Variants in HDAC9 observed in about 807,000 individuals in gnomAD.
HDAC9 encodes the protein MEF-2 interacting transcription repressor (MITR) protein.
A neutral mutation model predicts 139.4 loss-of-function variants in HDAC9; 41 were observed. The ratio of observed to expected loss-of-function variants is 0.29; its 90% CI spans 0.23 to 0.38. The LOEUF is 0.38. Among genes scored for constraint, HDAC9 ranks in the 10% least tolerant of loss-of-function variants. The pLI, the probability that HDAC9 is intolerant of heterozygous loss-of-function variation, is 1.00. For missense variants in HDAC9, 1,147 were observed against 1,297.0 expected, an observed-to-expected ratio of 0.88 and a Z score of 1.78; for synonymous variants, 517 against 476.2, an observed-to-expected ratio of 1.09 and a Z score of -1.12.
At chr7:18,767,906 G>A (rs1414589761) in intron 16 of HDAC9, among the ~76,000 whole-genome samples, 3 of 152,144 alleles carry the variant, frequency 2.0e-5, no homozygotes, top group Non-Finnish European at 4.4e-5. Flanking sequence ...AAATTGACTC[G>A]ATCTTGAAGG....
At chr7:18,872,775 A>G (rs187902818) in intron 21 of HDAC9, among the ~76,000 whole-genome samples, 13 of 152,226 alleles carry the variant, frequency 8.5e-5, no homozygotes, top group Non-Finnish European at 2.9e-5. Flanking sequence ...TATGGAGAAG[A>G]TAGTATGTGA....
chr7:18,818,492 G>T (rs1014623515), intron 17 of HDAC9, among the ~76,000 whole-genome samples: 1 of 152,066 alleles, frequency 6.6e-6, no homozygotes, highest in Non-Finnish European at 1.5e-5. Flanking sequence ...CTCATCTCTT[G>T]TCAGTTTATA....
intron 1 of HDAC9, among the ~76,000 whole-genome samples, chr7:18,485,361 T>C (rs1398862832): frequency 6.6e-6 from 1 of 151,970 alleles, no homozygotes; most frequent in Non-Finnish European, 1.5e-5. Context: ...CATTGAATCA[T>C]TGAATATGAA....
intron 1 of HDAC9, among the ~76,000 whole-genome samples, chr7:18,390,944 C>T (rs1305375589): frequency 3.9e-5 from 6 of 152,062 alleles, no homozygotes; most frequent in Admixed American, 3.3e-4. Context: ...CAAAAATTAG[C>T]CAGGCATGGT....
At chr7:18,937,891 T>C (rs1563071602) in intron 23 of HDAC9, among the ~76,000 whole-genome samples, 1 of 152,338 alleles carries the variant, frequency 6.6e-6, no homozygotes, top group African/African-American at 2.4e-5. Context: ...ATACTCATAA[T>C]CTTTTGCTCT....
intron 21 of HDAC9, among the ~76,000 whole-genome samples, chr7:18,864,038 G>A (rs921196757): frequency 3.9e-5 from 6 of 152,128 alleles, no homozygotes; most frequent in Non-Finnish European, 5.9e-5. Context: ...TGTTTTTTAA[G>A]GAAGCTTGCA....
At chr7:18,279,016 T>G (rs2128218790) in intron 2 of HDAC9, among the ~76,000 whole-genome samples, 1 of 152,320 alleles carries the variant, frequency 6.6e-6, no homozygotes, top group African/African-American at 2.4e-5. Flanking sequence ...ATATGTCATT[T>G]TGGAAATAAA....
chr7:18,550,486 A>G (rs982816002), intron 2 of HDAC9, among the ~76,000 whole-genome samples: 3 of 152,204 alleles, frequency 2.0e-5, no homozygotes, highest in Admixed American at 2.0e-4. Flanking sequence ...AGCTTACATT[A>G]CAAGAGGAGG....
At chr7:18,565,410 G>A (rs1039905262) in intron 2 of HDAC9, among the ~76,000 whole-genome samples, 1 of 152,106 alleles carries the variant, frequency 6.6e-6, no homozygotes, top group Non-Finnish European at 1.5e-5. Context: ...TTTTTCCTCA[G>A]CATCTTAATA....
chr7:18,916,188 G>A (rs1803194639), intron 22 of HDAC9, among the ~76,000 whole-genome samples: 1 of 152,002 alleles, frequency 6.6e-6, no homozygotes, highest in Admixed American at 6.6e-5. Flanking sequence ...GTACTAGCGT[G>A]AATATGAAAT....
chr7:18,284,981 AG>A (rs1288683695), intron 2 of HDAC9, among the ~76,000 whole-genome samples: 1 of 152,182 alleles, frequency 6.6e-6, no homozygotes, highest in African/African-American at 2.4e-5. Context: ...TTTCACCTAA[AG>A]CTTCTGAATT....
chr7:18,794,266 C>T (rs1323855354), intron 17 of HDAC9, among the ~76,000 whole-genome samples: 1 of 152,102 alleles, frequency 6.6e-6, no homozygotes, highest in Non-Finnish European at 1.5e-5. Flanking sequence ...AATTGCGGGG[C>T]TTAGGGAAAT....
intron 2 of HDAC9, among the ~76,000 whole-genome samples, chr7:18,563,591 G>A (rs905192755): frequency 6.6e-6 from 1 of 151,874 alleles, no homozygotes; most frequent in African/African-American, 2.4e-5. Context: ...CACAATATTC[G>A]TTATAGAGAA....
chr7:18,833,287 TA>T (rs1426412661), intron 19 of HDAC9, among the ~76,000 whole-genome samples: 5 of 152,216 alleles, frequency 3.3e-5, no homozygotes, highest in Admixed American at 6.5e-5. Flanking sequence ...CAAGAACAAA[TA>T]ATTTTATATC....
chr7:18,194,125 G>A (rs1424037480), intron 2 of HDAC9, among the ~76,000 whole-genome samples: 2 of 152,086 alleles, frequency 1.3e-5, no homozygotes, highest in Non-Finnish European at 2.9e-5. Context: ...TTATTAGTGG[G>A]TCTAGAAAAA....
chr7:18,487,740 A>G (rs912950056), intron 1 of HDAC9, among the ~76,000 whole-genome samples: 1 of 152,024 alleles, frequency 6.6e-6, no homozygotes, highest in Admixed American at 6.6e-5. Flanking sequence ...CATTAACCAA[A>G]AGTTGTTGCT....
At chr7:18,635,585 C>T (rs1783634969) in intron 8 of HDAC9, among the ~76,000 whole-genome samples, 1 of 152,042 alleles carries the variant, frequency 6.6e-6, no homozygotes, top group Non-Finnish European at 1.5e-5. Flanking sequence ...ATGAAATCAC[C>T]TGTTTTGAAG....
At position 18,732,692 on chromosome 7, in the gene HDAC9, C is replaced by T. The variant is rs1361173760; in HGVS notation, c.1909+4935C>T. ...GTATATGTGTGCGTATGTGTACACA[C>T]ACACACGTGTATGTGTGCGTATGTG... On this transcript the variant is annotated intron_variant, in intron 13 of 25. Coordinates refer to ENST00000686413, the MANE Select transcript of HDAC9 (RefSeq NM_178425.4). 2.9e-5 allele frequency among the ~76,000 whole-genome samples: 4 copies of T among 135,906 alleles called. 1 individual carries two copies. The highest frequency in any genetic ancestry group is 5.9e-5 in the African/African-American group (2 of 33,640). The allele number at this position is 135,906 out of a possible 152,430, so 89.2% of individuals were successfully genotyped here. A position where few individuals can be genotyped will look rare whatever the true frequency, so the allele number is the denominator to read the frequency against.
At chr7:18,465,627 C>T (rs1794205594) in intron 1 of HDAC9, among the ~76,000 whole-genome samples, 1 of 152,180 alleles carries the variant, frequency 6.6e-6, no homozygotes, top group Non-Finnish European at 1.5e-5. Context: ...ATCTGAATAA[C>T]TCTTCATACA....
Sources: gnomAD v4.1 joint callset for allele counts (sites outside exome capture counted in the v4.1 genomes callset) on GRCh38, gnomAD v4.1.1 for gene constraint, MANE v1.5 for transcripts, NCBI Gene and HGNC (gene_info 2026-07-23, HGNC 2026-07-21) for gene names.